The following STX18 variants were observed in gnomAD, a reference collection of about 807,000 sequenced individuals.
STX18 encodes syntaxin 18.
In STX18, 40 loss-of-function variants were observed where a neutral mutation model predicts 50.1. That is an observed-to-expected ratio of 0.80 (90% confidence interval 0.62 to 1.04). STX18 has a LOEUF of 1.04. Ranked by LOEUF, STX18 falls within the 50% of genes least tolerant of loss-of-function variation. The probability of loss-of-function intolerance (pLI) is 0.00; values close to 1 mark genes in which losing one functional copy is unlikely to be tolerated. For synonymous variants in STX18, 158 were observed against 151.8 expected, an observed-to-expected ratio of 1.04 and a Z score of -0.30; for missense variants, 410 against 415.8, an observed-to-expected ratio of 0.99 and a Z score of 0.12.
At chr4:4,528,716 C>T (rs150561308) in intron 1 of STX18, among the ~76,000 whole-genome samples, 1 of 152,158 alleles carries the variant, frequency 6.6e-6, no homozygotes, top group Non-Finnish European at 1.5e-5. Flanking sequence ...GGCTCACAGC[C>T]GAGTGTGTCT....
At chr4:4,436,421 T>A (rs1445010246) in intron 6 of STX18, among the ~76,000 whole-genome samples, 1 of 150,864 alleles carries the variant, frequency 6.6e-6, no homozygotes, top group Non-Finnish European at 1.5e-5. Flanking sequence ...CCCCACCTTA[T>A]GAGCTGTCTC....
chr4:4,534,609 C>T (rs892041412), intron 1 of STX18, among the ~76,000 whole-genome samples: 8 of 152,214 alleles, frequency 5.3e-5, no homozygotes, highest in African/African-American at 1.9e-4. Context: ...ACATTCCAAA[C>T]CCATCATCAA....
At chr4:4,507,530 C>G in intron 1 of STX18, 1 of 769,648 alleles carries the variant, frequency 1.3e-6, no homozygotes, top group East Asian at 2.5e-5. Flanking sequence ...AAAAGCCGCA[C>G]AAAAAATAAG....
chr4:4,503,057 C>A (rs538596421), intron 1 of STX18, among the ~76,000 whole-genome samples: 1 of 152,190 alleles, frequency 6.6e-6, no homozygotes, highest in Non-Finnish European at 1.5e-5. Context: ...TTTTTCCATC[C>A]AACAAAATTA....
intron 1 of STX18, among the ~76,000 whole-genome samples, chr4:4,479,969 A>G (rs1327337167): frequency 6.6e-6 from 1 of 152,230 alleles, no homozygotes; most frequent in African/African-American, 2.4e-5. Context: ...ACATGGATGA[A>G]AGTCCCATAA....
At chr4:4,465,420 C>T (rs1727570986) in intron 2 of STX18, among the ~76,000 whole-genome samples, 1 of 152,188 alleles carries the variant, frequency 6.6e-6, no homozygotes, top group East Asian at 1.9e-4. Context: ...GAATACTATG[C>T]AGCCATAAAA....
chr4:4,421,104 T>G (rs1322100087), intron 9 of STX18, among the ~76,000 whole-genome samples, 160 bp from the exon 10 acceptor site: 1 of 152,172 alleles, frequency 6.6e-6, no homozygotes, highest in Non-Finnish European at 1.5e-5. Flanking sequence ...TAGGGATGCT[T>G]GACATATACA....
chr4:4,423,444 A>G, intron 9 of STX18, 74 bp downstream of exon 9: 4 of 1,464,496 alleles, frequency 2.7e-6, no homozygotes, highest in East Asian at 4.5e-5. Context: ...AGCCTTTGGG[A>G]AAAATGTCTC....
intron 5 of STX18, among the ~76,000 whole-genome samples, chr4:4,446,405 G>C (rs28867136): frequency 0.17 from 25,618 of 152,098 alleles, 2,413 homozygotes; most frequent in African/African-American, 0.25. Context: ...AAAAATATTT[G>C]CAGCATGTAT....
At chr4:4,517,743 G>A (rs1730338446) in intron 1 of STX18, among the ~76,000 whole-genome samples, 1 of 151,710 alleles carries the variant, frequency 6.6e-6, no homozygotes, top group Non-Finnish European at 1.5e-5. Context: ...CATGAATATA[G>A]CAATCATCAT....
At position 4,423,919 on chromosome 4, in the gene STX18, C is replaced by T. The variant is rs114065393; in HGVS notation, c.762-332G>A. 2,402 of 351,950 alleles carry T rather than the reference C, an allele frequency of 6.8e-3. 41 individuals are homozygous for T. Among genetic ancestry groups the T allele is most frequent in the African/African-American group, 0.046 (2,196 of 47,622 alleles). 21.8% of individuals were successfully genotyped at this position (351,950 alleles called of 1,614,324 possible). ...GAATGGGGAGGGCCTGGTTGTGCCC[C>T]AGTTACAGAAAGCAGTCTCCAGTAA... On this transcript the variant is annotated intron_variant, in intron 8 of 10. Coordinates refer to ENST00000306200, the MANE Select transcript of STX18 (RefSeq NM_016930.4).
At chr4:4,498,079 G>A (rs963303736) in intron 1 of STX18, among the ~76,000 whole-genome samples, 3 of 152,138 alleles carry the variant, frequency 2.0e-5, no homozygotes, top group African/African-American at 7.2e-5. Flanking sequence ...TTTAATAACG[G>A]TATTAATTAG....
chr4:4,459,331 A>G, intron 3 of STX18, 41 bp downstream of exon 3: 1 of 1,430,814 alleles, frequency 7.0e-7, no homozygotes. Flanking sequence ...ACTACTTGCT[A>G]TATTCATGGT....
At chr4:4,453,701 T>C (rs1726901383) in intron 5 of STX18, 1 of 978,682 alleles carries the variant, frequency 1.0e-6, no homozygotes, top group Non-Finnish European at 1.2e-6. Flanking sequence ...ATTTTTGATA[T>C]ATAATATCAT....
intron 2 of STX18, among the ~76,000 whole-genome samples, chr4:4,468,761 A>G (rs1727752769): frequency 6.6e-6 from 1 of 152,088 alleles, no homozygotes. Context: ...TGACCCACTA[A>G]TTTCACCCCT....
chr4:4,429,083 C>G (rs1725398811), intron 7 of STX18, among the ~76,000 whole-genome samples: 1 of 152,168 alleles, frequency 6.6e-6, no homozygotes, highest in Non-Finnish European at 1.5e-5. Context: ...AGCACAGCAT[C>G]ATGTTGAACA....
chr4:4,502,256 T>C (rs1417800551), intron 1 of STX18, among the ~76,000 whole-genome samples: 1 of 152,182 alleles, frequency 6.6e-6, no homozygotes, highest in Non-Finnish European at 1.5e-5. Flanking sequence ...AAAACCACCC[T>C]AACATTGTTT....
chr4:4,423,626 C>T (rs373773925), intron 8 of STX18, 39 bp from the exon 9 acceptor site: 1,514 of 1,585,700 alleles, frequency 9.5e-4, no homozygotes, highest in Non-Finnish European at 1.2e-3. Context: ...ACTATTAGCA[C>T]TTGGTAATCT....
At chr4:4,538,301 A>G (rs756387906) in intron 1 of STX18, among the ~76,000 whole-genome samples, 8 of 152,168 alleles carry the variant, frequency 5.3e-5, no homozygotes, top group Non-Finnish European at 1.0e-4. Context: ...GATCACAAGG[A>G]AGAAAAGAAA....
Sources: allele counts gnomAD v4.1 joint callset (sites outside exome capture counted in the v4.1 genomes callset), GRCh38; gene constraint gnomAD v4.1.1; transcripts MANE v1.5; gene names NCBI Gene and HGNC (gene_info 2026-07-23, HGNC 2026-07-21).